Variants in TUSC3 observed in about 807,000 individuals in gnomAD.
The protein encoded by TUSC3 is dolichyl-diphosphooligosaccharide--protein glycosyltransferase subunit TUSC3.
A neutral mutation model predicts 44.8 loss-of-function variants in TUSC3; 45 were observed. That is an observed-to-expected ratio of 1.00 (90% CI 0.79 to 1.29). TUSC3 has a LOEUF of 1.29. TUSC3 is among the 50% of genes most tolerant of loss of function. TUSC3 has a pLI of 0.00. For missense variants in TUSC3, 519 were observed against 437.9 expected (o/e 1.19, Z -1.65); for synonymous variants, 212 against 152.9 (o/e 1.39, Z -2.85).
intron 2 of TUSC3, among the ~76,000 whole-genome samples, chr8:15,646,348 C>G (rs1806629459): frequency 6.6e-6 from 1 of 152,054 alleles, no homozygotes; most frequent in Non-Finnish European, 1.5e-5. Context: ...AGGTTTTTGA[C>G]TTTTATTCTT....
the TUSC3 span, among the ~76,000 whole-genome samples, chr8:15,831,786 G>A: frequency 6.6e-6 from 1 of 152,150 alleles, no homozygotes; most frequent in Non-Finnish European, 1.5e-5. Context: ...AAGAAATGTG[G>A]AATTATGTAA....
chr8:15,478,603 G>T lies in TUSC3; in HGVS notation n.92-4783G>T, dbSNP rs541776967. Among the ~76,000 whole-genome samples, 9 of 152,254 alleles carry T rather than the reference G, an allele frequency of 5.9e-5. No individual in the cohort carries two copies. The East Asian group carries it at 1.7e-3, about 29-fold the overall frequency. ...CCATCCATGTCCCTGAAAAGGACAT[G>T]ATCTCATTCCTTTTTATGGCTGCAT... is the stretch of plus-strand genomic sequence containing the variant. On this transcript the variant is annotated intron_variant and non_coding_transcript_variant, in intron 1 of 5. Transcript: ENST00000503191.
chr8:15,570,152 G>A (rs369830086), intron 1 of TUSC3, among the ~76,000 whole-genome samples: 10 of 152,050 alleles, frequency 6.6e-5, no homozygotes, highest in Middle Eastern at 3.4e-3. Context: ...CTTTCTCATT[G>A]TAGGGAAGTT....
chr8:15,501,074 TA>T (rs374653794), intron 2 of TUSC3, among the ~76,000 whole-genome samples: 2 of 152,314 alleles, frequency 1.3e-5, no homozygotes, highest in African/African-American at 4.8e-5. Flanking sequence ...AGACAGTTTA[TA>T]AAAACTTAGG....
intron 6 of TUSC3, among the ~76,000 whole-genome samples, chr8:15,707,559 T>C (rs1343718668): frequency 6.6e-6 from 1 of 151,962 alleles, no homozygotes; most frequent in Non-Finnish European, 1.5e-5. Flanking sequence ...GATATGTAAG[T>C]AGACAACAGC....
chr8:15,678,707 G>C (rs1249089162), intron 6 of TUSC3, among the ~76,000 whole-genome samples: 3 of 152,134 alleles, frequency 2.0e-5, no homozygotes, highest in African/African-American at 2.4e-5. Flanking sequence ...AGTATATTGT[G>C]TGATGCTGAG....
At chr8:15,452,935 T>G (rs1408878289) in intron 1 of TUSC3, among the ~76,000 whole-genome samples, 1 of 152,052 alleles carries the variant, frequency 6.6e-6, no homozygotes, top group Non-Finnish European at 1.5e-5. Flanking sequence ...ATTGTCTTGG[T>G]AAGTTCTTTT....
chr8:15,563,757 TA>T, intron 1 of TUSC3, among the ~76,000 whole-genome samples: 1 of 151,354 alleles, frequency 6.6e-6, no homozygotes, highest in South Asian at 2.1e-4. Flanking sequence ...AGAGTAGTTT[TA>T]AAGCTCATAG....
intron 2 of TUSC3, among the ~76,000 whole-genome samples, chr8:15,507,743 T>C (rs1157721160): frequency 1.3e-5 from 2 of 151,658 alleles, no homozygotes. Context: ...AATAGAAGTC[T>C]TTGTACTCTT....
intron 1 of TUSC3, among the ~76,000 whole-genome samples, chr8:15,544,579 T>G (rs940627869): frequency 6.6e-5 from 10 of 151,868 alleles, no homozygotes; most frequent in African/African-American, 2.4e-4. Flanking sequence ...GTCATTAATG[T>G]TTTTAAGTAC....
At chr8:15,427,261 T>C (rs1799815922) in intron 1 of TUSC3, among the ~76,000 whole-genome samples, 1 of 148,384 alleles carries the variant, frequency 6.7e-6, no homozygotes, top group African/African-American at 2.5e-5. Context: ...TTTAATATAA[T>C]CCTGTTACAG....
At position 15,434,235 on chromosome 8, in the gene TUSC3, C is replaced by T. The variant is rs191742864; in HGVS notation, n.91+16930C>T. ...TCATTTTATGTATTTGCCATTTGTACACTGTTTTTTTGTGAAGTGTCTGTT... is the reference window on the plus strand; with the variant it reads ...TCATTTTATGTATTTGCCATTTGTATACTGTTTTTTTGTGAAGTGTCTGTT... On this transcript the variant is annotated intron_variant and non_coding_transcript_variant, in intron 1 of 5. Coordinates refer to the TUSC3 transcript ENST00000503191. Among the ~76,000 whole-genome samples the T allele has an allele frequency of 7.2e-3, 1,058 of 147,294 alleles. 11 individuals are homozygous for T. Among genetic ancestry groups the T allele is most frequent in the African/African-American group, 0.025 (994 of 40,364 alleles).
intron 2 of TUSC3, among the ~76,000 whole-genome samples, chr8:15,636,343 G>T (rs895105734): frequency 6.6e-6 from 1 of 152,096 alleles, no homozygotes; most frequent in African/African-American, 2.4e-5. Flanking sequence ...GATAGCTGCT[G>T]TTTTTTTAAT....
chr8:15,482,245 T>G (rs1202443153), intron 1 of TUSC3, among the ~76,000 whole-genome samples: 1 of 152,198 alleles, frequency 6.6e-6, no homozygotes, highest in Non-Finnish European at 1.5e-5. Context: ...CCAGTTAAAC[T>G]TCCTCCACTG....
chr8:15,662,494 C>CTAAA lies in TUSC3; in HGVS notation c.708+198_708+199insTAAA, dbSNP rs10632818. The stretch of plus-strand genomic sequence containing the variant: ...GCTATCTTCCTTCAACTTTTCACTG[C>CTAAA]ATGTACTGTCCCTCTGTACTTGGCA... On this transcript the variant is annotated intron_variant, in intron 5 of 10. Transcript: ENST00000503731. Among the ~76,000 whole-genome samples the CTAAA allele has an allele frequency of 0.85, 129,292 of 151,564 alleles. 55,346 individuals carry two copies. Among genetic ancestry groups the CTAAA allele is most frequent in the Non-Finnish European group, 0.88 (59,490 of 67,806 alleles).
chr8:15,719,875 A>G (rs79297547), intron 6 of TUSC3, among the ~76,000 whole-genome samples: 3,453 of 152,170 alleles, frequency 0.023, 107 homozygotes, highest in African/African-American at 0.077. Flanking sequence ...TCATTTGTGT[A>G]TGAGATTTCT....
At chr8:15,430,592 C>T (rs1193103811) in intron 1 of TUSC3, among the ~76,000 whole-genome samples, 1 of 151,416 alleles carries the variant, frequency 6.6e-6, no homozygotes, top group Non-Finnish European at 1.5e-5. Flanking sequence ...CCTCTCTCAC[C>T]ACTCCTATTC....
chr8:15,709,816 T>C (rs1563184128), intron 6 of TUSC3, among the ~76,000 whole-genome samples: 1 of 151,886 alleles, frequency 6.6e-6, no homozygotes, highest in Non-Finnish European at 1.5e-5. Flanking sequence ...TCTAACTGCG[T>C]AGTCCAGATT....
chr8:15,443,339 TG>T (rs1563252077), intron 1 of TUSC3, among the ~76,000 whole-genome samples: 920 of 33,154 alleles, frequency 0.028, 10 homozygotes, highest in African/African-American at 0.089. Flanking sequence ...CACCTAATTG[TG>T]TGTGTGTGTG....
Sources: gnomAD v4.1 joint callset for allele counts (sites outside exome capture counted in the v4.1 genomes callset) on GRCh38, gnomAD v4.1.1 for gene constraint, MANE v1.5 for transcripts, NCBI Gene and HGNC (gene_info 2026-07-23, HGNC 2026-07-21) for gene names.